The following PEX5L variants were observed in gnomAD, a reference collection of about 807,000 sequenced individuals.
PEX5L encodes peroxisomal biogenesis factor 5 like.
In PEX5L, 30 loss-of-function variants were observed where a neutral mutation model predicts 84.0. The observed-to-expected ratio is 0.36, with a 90% CI of 0.27 to 0.48. PEX5L has a LOEUF of 0.48. PEX5L is among the 20% of genes least tolerant of loss of function. PEX5L has a pLI of 0.99. For missense variants in PEX5L, 533 were observed against 754.6 expected (o/e 0.71, Z 3.44); for synonymous variants, 270 against 283.1 (o/e 0.95, Z 0.46).
At chr3:179,881,830 A>T (rs1046138474) in intron 4 of PEX5L, among the ~76,000 whole-genome samples, 2 of 152,240 alleles carry the variant, frequency 1.3e-5, no homozygotes, top group Non-Finnish European at 2.9e-5. Context: ...GCTTATCTCA[A>T]CAGAATCTTC....
intron 2 of PEX5L, among the ~76,000 whole-genome samples, chr3:179,925,911 T>A (rs1043373268): frequency 1.3e-5 from 2 of 152,170 alleles, no homozygotes; most frequent in African/African-American, 4.8e-5. Context: ...ATGGACCATA[T>A]TGAAAATTGT....
At chr3:179,999,480 G>T (rs1579290941) in intron 1 of PEX5L, among the ~76,000 whole-genome samples, 1 of 152,160 alleles carries the variant, frequency 6.6e-6, no homozygotes, top group East Asian at 1.9e-4. Flanking sequence ...AGCCACTGCT[G>T]AGTGCCCAAT....
At chr3:179,811,333 T>C (rs921332436) in intron 11 of PEX5L, among the ~76,000 whole-genome samples, 1 of 152,046 alleles carries the variant, frequency 6.6e-6, no homozygotes, top group Non-Finnish European at 1.5e-5. Context: ...AGTGGAAGTC[T>C]ATTTGGCAGA....
At chr3:179,953,679 TC>T (rs990841580) in intron 2 of PEX5L, among the ~76,000 whole-genome samples, 29 of 152,256 alleles carry the variant, frequency 1.9e-4, no homozygotes, top group Middle Eastern at 3.4e-3. Flanking sequence ...TGATCCATCG[TC>T]AGTGATGGAA....
chr3:179,866,890 G>A (rs1357841635), intron 7 of PEX5L, among the ~76,000 whole-genome samples: 1 of 151,796 alleles, frequency 6.6e-6, no homozygotes, highest in African/African-American at 2.4e-5. Flanking sequence ...GCCGGGCATG[G>A]TGGCTGGTGT....
intron 2 of PEX5L, among the ~76,000 whole-genome samples, chr3:179,922,442 TTTTC>T (rs1265714234): frequency 8.2e-6 from 1 of 121,396 alleles, no homozygotes; most frequent in African/African-American, 3.0e-5. Context: ...CACTGCTTCC[TTTTC>T]TTTTCTTTTT....
At chr3:179,828,604 C>T (rs1199499404) in intron 8 of PEX5L, among the ~76,000 whole-genome samples, 1 of 151,978 alleles carries the variant, frequency 6.6e-6, no homozygotes, top group African/African-American at 2.4e-5. Context: ...TATTTTAAAT[C>T]TCTGAGAGGG....
chr3:179,954,216 A>G (rs13089749), intron 2 of PEX5L, among the ~76,000 whole-genome samples: 27,754 of 110,682 alleles, frequency 0.25, 3,190 homozygotes, highest in South Asian at 0.38. Context: ...GGGGGGGGGG[A>G]AAAAGTCAGC....
chr3:179,861,450 G>A (rs1041001155), intron 7 of PEX5L, among the ~76,000 whole-genome samples: 1 of 152,208 alleles, frequency 6.6e-6, no homozygotes, highest in Non-Finnish European at 1.5e-5. Flanking sequence ...TGCCGGAGGG[G>A]CCTGCCTAGG....
At chr3:179,975,041 T>C in intron 1 of PEX5L, among the ~76,000 whole-genome samples, 1 of 151,966 alleles carries the variant, frequency 6.6e-6, no homozygotes, top group Non-Finnish European at 1.5e-5. Flanking sequence ...TATAAAAAAT[T>C]AGCTGGACGT....
chr3:179,959,228 A>G (rs1781412074), intron 2 of PEX5L, among the ~76,000 whole-genome samples: 1 of 152,150 alleles, frequency 6.6e-6, no homozygotes, highest in Non-Finnish European at 1.5e-5. Flanking sequence ...TTGTTCCCAA[A>G]GCCCACGTCT....
intron 10 of PEX5L, among the ~76,000 whole-genome samples, chr3:179,813,538 AC>A (rs1724715716): frequency 6.6e-6 from 1 of 152,174 alleles, no homozygotes; most frequent in Admixed American, 6.5e-5. Flanking sequence ...TTGCTCTGTC[AC>A]TGAGGCTGGA....
At chr3:179,970,362 T>C (rs1364212471) in intron 2 of PEX5L, among the ~76,000 whole-genome samples, 1 of 152,012 alleles carries the variant, frequency 6.6e-6, no homozygotes, top group Non-Finnish European at 1.5e-5. Context: ...TGGCATAAAG[T>C]GATAGTTAAT....
At chr3:179,908,470 T>A (rs933653628) in intron 2 of PEX5L, among the ~76,000 whole-genome samples, 1 of 152,222 alleles carries the variant, frequency 6.6e-6, no homozygotes, top group Admixed American at 6.5e-5. Flanking sequence ...TATCTTTTTT[T>A]ATTTTATTAT....
intron 8 of PEX5L, among the ~76,000 whole-genome samples, chr3:179,828,472 G>A (rs933693681): frequency 1.3e-5 from 2 of 152,134 alleles, no homozygotes; most frequent in Non-Finnish European, 2.9e-5. Flanking sequence ...CTCTGCCACA[G>A]TCAGCACCAG....
chr3:179,977,995 G>A (rs945835387), intron 1 of PEX5L, among the ~76,000 whole-genome samples: 30 of 152,186 alleles, frequency 2.0e-4, no homozygotes, highest in African/African-American at 6.5e-4. Context: ...CTGAATGTAC[G>A]TTGTTGGGTG....
At chr3:179,882,947 A>G (rs1754601555) in intron 4 of PEX5L, among the ~76,000 whole-genome samples, 1 of 152,130 alleles carries the variant, frequency 6.6e-6, no homozygotes, top group African/African-American at 2.4e-5. Context: ...AAATTAAAAA[A>G]AATTAGCCAG....
At chr3:179,990,860 G>A (rs959594925) in intron 1 of PEX5L, among the ~76,000 whole-genome samples, 1 of 152,072 alleles carries the variant, frequency 6.6e-6, no homozygotes, top group Non-Finnish European at 1.5e-5. Flanking sequence ...TATTGATGAG[G>A]CAACTGAAAT....
chr3:179,806,281 A>T (rs1378989779), intron 14 of PEX5L, among the ~76,000 whole-genome samples: 6 of 152,198 alleles, frequency 3.9e-5, no homozygotes, highest in Admixed American at 2.0e-4. Context: ...CAGGGCTTGG[A>T]CAGCTGATGT....
Sources: allele counts gnomAD v4.1 joint callset (sites outside exome capture counted in the v4.1 genomes callset), GRCh38; gene constraint gnomAD v4.1.1; transcripts MANE v1.5; gene names NCBI Gene and HGNC (gene_info 2026-07-23, HGNC 2026-07-21).